Variants in HS6ST3 observed in about 807,000 individuals in gnomAD.
The protein encoded by HS6ST3 is heparan sulfate 6-O-sulfotransferase 3, also known as heparan-sulfate 6-O-sulfotransferase 3.
HS6ST3 carries 12 observed loss-of-function variants against 36.7 expected under a neutral mutation model. That is an observed-to-expected ratio of 0.33 (90% confidence interval 0.21 to 0.53). The LOEUF (loss-of-function observed/expected upper bound fraction) is 0.53. Among genes scored for constraint, HS6ST3 ranks in the 20% least tolerant of loss-of-function variants. HS6ST3 has a pLI of 0.95. For missense variants in HS6ST3, 584 were observed against 640.9 expected (o/e 0.91, Z 0.96); for synonymous variants, 240 against 257.5 (o/e 0.93, Z 0.65).
At chr13:96,200,842 C>A (rs551477942) in intron 1 of HS6ST3, among the ~76,000 whole-genome samples, 1 of 152,260 alleles carries the variant, frequency 6.6e-6, no homozygotes, top group Non-Finnish European at 1.5e-5. Flanking sequence ...AATACATGAT[C>A]CTACTTTGCC....
At chr13:96,157,701 AAAT>A (rs577803864) in intron 1 of HS6ST3, among the ~76,000 whole-genome samples, 87 of 152,360 alleles carry the variant, frequency 5.7e-4, no homozygotes, top group African/African-American at 1.7e-3. Context: ...AGGAAGAAAA[AAAT>A]AATGTCATAT....
intron 1 of HS6ST3, among the ~76,000 whole-genome samples, chr13:96,199,984 C>T (rs1028915681): frequency 6.6e-5 from 10 of 152,156 alleles, no homozygotes; most frequent in African/African-American, 2.4e-4. Flanking sequence ...ATTTCTGACA[C>T]TGAAAATGAA....
At chr13:96,274,607 A>G (rs1426847143) in intron 1 of HS6ST3, among the ~76,000 whole-genome samples, 1 of 152,054 alleles carries the variant, frequency 6.6e-6, no homozygotes, top group African/African-American at 2.4e-5. Context: ...TTTTGGATAA[A>G]AGTCTCACAT....
chr13:96,822,006 A>G (rs1878545046), intron 1 of HS6ST3, among the ~76,000 whole-genome samples: 1 of 152,202 alleles, frequency 6.6e-6, no homozygotes, highest in Non-Finnish European at 1.5e-5. Context: ...GAGCAATTAC[A>G]ACGGAGACAC....
Position 96,091,172 on chromosome 13 carries a change from GA to G in HS6ST3, c.311del (p.Glu104GlyfsTer28). 6.5e-7 allele frequency: 1 copy of G among 1,548,534 alleles called. No individual in the cohort carries two copies. ...CGGAGACCCCCGGGAGGGGGAGGAA[GA>G]GGAGGAGGAAGACGAGCCGGACCCC... The part of the protein sequence containing the change: ...EPGDPREGEE[E>X]EEEDEPDPEA... On this transcript the variant is annotated frameshift_variant, in exon 1 of 2. Coordinates refer to ENST00000376705, the MANE Select transcript of HS6ST3 (RefSeq NM_153456.4). LOFTEE classifies it high-confidence loss of function.
chr13:96,450,089 G>A (rs114499574), intron 1 of HS6ST3, among the ~76,000 whole-genome samples: 3,518 of 152,262 alleles, frequency 0.023, 158 homozygotes, highest in African/African-American at 0.079. Flanking sequence ...GACCCAACTA[G>A]TTGTTTTATG....
chr13:96,689,052 G>A (rs546790988), intron 1 of HS6ST3, among the ~76,000 whole-genome samples: 2 of 152,040 alleles, frequency 1.3e-5, no homozygotes, highest in African/African-American at 4.8e-5. Context: ...ACACTTTATA[G>A]TCTGATTGTG....
intron 1 of HS6ST3, among the ~76,000 whole-genome samples, chr13:96,686,081 C>A (rs1034271037): frequency 6.6e-6 from 1 of 151,922 alleles, no homozygotes; most frequent in Non-Finnish European, 1.5e-5. Context: ...AAATTTTCAT[C>A]CAAGGAGGAA....
intron 1 of HS6ST3, among the ~76,000 whole-genome samples, chr13:96,727,690 C>T (rs573835990): frequency 1.3e-5 from 2 of 152,286 alleles, no homozygotes; most frequent in East Asian, 3.9e-4. Context: ...TCCTTTACCA[C>T]ATACCTCATG....
rs2055105375 is a variant in HS6ST3 at position 96,337,083 on chromosome 13, TGGA to T, written c.707+245516_707+245518del. On this transcript the variant is annotated intron_variant, in intron 1 of 1. Coordinates refer to ENST00000376705, the MANE Select transcript of HS6ST3 (RefSeq NM_153456.4). The stretch of plus-strand genomic sequence containing the variant: ...TTTTGTTTGTTTGTTTGTTTTGAGA[TGGA>T]GTCTCACTCTCACTCTGTTGCCCAG... Among the ~76,000 whole-genome samples the T allele has an allele frequency of 2.6e-5, 4 of 152,314 alleles. No individual in the cohort carries two copies. In the South Asian group the frequency reaches 8.3e-4, roughly 32 times the overall value.
At chr13:96,511,577 G>A (rs996008663) in intron 1 of HS6ST3, among the ~76,000 whole-genome samples, 3 of 151,254 alleles carry the variant, frequency 2.0e-5, no homozygotes, top group Non-Finnish European at 4.4e-5. Flanking sequence ...TTAAAATTCT[G>A]TTTCTTATTT....
chr13:96,367,404 A>G (rs561112648), intron 1 of HS6ST3, among the ~76,000 whole-genome samples: 1 of 152,218 alleles, frequency 6.6e-6, no homozygotes, highest in African/African-American at 2.4e-5. Context: ...GCTTCTTTCA[A>G]ATCTAATGTG....
chr13:96,239,715 C>G (rs2054551339), intron 1 of HS6ST3, among the ~76,000 whole-genome samples: 1 of 152,132 alleles, frequency 6.6e-6, no homozygotes, highest in Non-Finnish European at 1.5e-5. Context: ...GACACAAATA[C>G]AGTATATGGA....
At chr13:96,445,091 A>G (rs746257158) in intron 1 of HS6ST3, among the ~76,000 whole-genome samples, 14 of 152,228 alleles carry the variant, frequency 9.2e-5, no homozygotes, top group African/African-American at 2.4e-4. Flanking sequence ...ATTACCCTGC[A>G]TTAGAGATGC....
At chr13:96,597,306 G>A (rs2056405217) in intron 1 of HS6ST3, among the ~76,000 whole-genome samples, 1 of 149,528 alleles carries the variant, frequency 6.7e-6, no homozygotes, top group Middle Eastern at 3.5e-3. Flanking sequence ...TTACCTACAT[G>A]ACAAACCTGC....
At chr13:96,787,958 T>C (rs1340092868) in intron 1 of HS6ST3, among the ~76,000 whole-genome samples, 1 of 152,010 alleles carries the variant, frequency 6.6e-6, no homozygotes, top group Non-Finnish European at 1.5e-5. Context: ...TCAAGGTTTA[T>C]TTTTTGACCC....
intron 1 of HS6ST3, among the ~76,000 whole-genome samples, chr13:96,248,179 A>G (rs942343133): frequency 6.6e-6 from 1 of 152,238 alleles, no homozygotes; most frequent in Non-Finnish European, 1.5e-5. Flanking sequence ...AACTCTCGCC[A>G]TAATTAATAT....
intron 1 of HS6ST3, among the ~76,000 whole-genome samples, chr13:96,448,171 A>C (rs1285743968): frequency 6.6e-6 from 1 of 152,174 alleles, no homozygotes; most frequent in East Asian, 1.9e-4. Context: ...AGCATATGCA[A>C]CTTATTTTTT....
chr13:96,766,523 A>T (rs1196246767), intron 1 of HS6ST3, among the ~76,000 whole-genome samples: 1 of 152,088 alleles, frequency 6.6e-6, no homozygotes, highest in Non-Finnish European at 1.5e-5. Context: ...ACATTTGGAG[A>T]TGACTGATTA....
Sources: allele counts gnomAD v4.1 joint callset (sites outside exome capture counted in the v4.1 genomes callset), GRCh38; gene constraint gnomAD v4.1.1; transcripts MANE v1.5; gene names NCBI Gene and HGNC (gene_info 2026-07-23, HGNC 2026-07-21).